TMEM132B: variants seen among roughly 807,000 people sequenced by gnomAD.
TMEM132B encodes transmembrane protein 132B.
A neutral mutation model predicts 90.8 loss-of-function variants in TMEM132B; 18 were observed. That is an observed-to-expected ratio of 0.20 (90% confidence interval 0.14 to 0.29). TMEM132B has a LOEUF of 0.29. Among genes scored for constraint, TMEM132B ranks in the 10% least tolerant of loss-of-function variants. The probability of loss-of-function intolerance (pLI) is 1.00; values close to 1 mark genes in which losing one functional copy is unlikely to be tolerated. For synonymous variants in TMEM132B, 504 were observed against 523.3 expected (o/e 0.96, Z 0.50); for missense variants, 1,096 against 1,326.8 (o/e 0.83, Z 2.70).
intron 1 of TMEM132B, among the ~76,000 whole-genome samples, chr12:125,311,460 G>A (rs575603387): frequency 3.9e-5 from 6 of 152,266 alleles, no homozygotes; most frequent in East Asian, 1.9e-4. Context: ...CGTCATCCCA[G>A]CTTCTCTCTT....
chr12:125,207,573 C>G (rs536888924), intron 1 of TMEM132B, among the ~76,000 whole-genome samples: 2 of 152,206 alleles, frequency 1.3e-5, no homozygotes, highest in Admixed American at 1.3e-4. Flanking sequence ...TTTTTAATTG[C>G]ATTAAACATA....
chr12:125,516,138 C>A (rs969585835), intron 3 of TMEM132B, among the ~76,000 whole-genome samples: 1 of 151,806 alleles, frequency 6.6e-6, no homozygotes, highest in African/African-American at 2.4e-5. Context: ...ATCTCACACA[C>A]ACACTCACAC....
At chr12:125,350,417 G>C in intron 2 of TMEM132B, 74 bp downstream of exon 2, 1 of 1,484,234 alleles carries the variant, frequency 6.7e-7, no homozygotes, top group Non-Finnish European at 9.0e-7. Flanking sequence ...TGAATAAAAT[G>C]GGTGTTGATC....
chr12:125,649,349 A>T (rs923767041), intron 6 of TMEM132B, among the ~76,000 whole-genome samples: 1 of 152,236 alleles, frequency 6.6e-6, no homozygotes, highest in Non-Finnish European at 1.5e-5. Context: ...AACATGTTTC[A>T]TAGCTGTTGT....
intron 5 of TMEM132B, among the ~76,000 whole-genome samples, chr12:125,597,530 C>T (rs2136910427): frequency 6.6e-6 from 1 of 152,352 alleles, no homozygotes; most frequent in East Asian, 1.9e-4. Flanking sequence ...CATGAGCAAG[C>T]AGGCACTGTA....
At chr12:125,207,417 C>T (rs1873207773) in intron 1 of TMEM132B, among the ~76,000 whole-genome samples, 1 of 152,196 alleles carries the variant, frequency 6.6e-6, no homozygotes, top group African/African-American at 2.4e-5. Context: ...TTTCTGTTGC[C>T]TGTTGGAAGC....
chr12:125,456,720 G>A (rs532763325), intron 3 of TMEM132B, among the ~76,000 whole-genome samples: 2 of 152,274 alleles, frequency 1.3e-5, no homozygotes, highest in African/African-American at 4.8e-5. Flanking sequence ...CAGTCTCTCT[G>A]TGCTCCCTGG....
At chr12:125,478,003 A>G (rs867406520) in intron 3 of TMEM132B, among the ~76,000 whole-genome samples, 23 of 152,336 alleles carry the variant, frequency 1.5e-4, no homozygotes, top group African/African-American at 5.1e-4. Context: ...GCAAACTCCA[A>G]CAGACCTGCA....
chr12:125,600,815 T>A (rs1204991298), intron 5 of TMEM132B, among the ~76,000 whole-genome samples: 3 of 152,036 alleles, frequency 2.0e-5, no homozygotes, highest in Non-Finnish European at 4.4e-5. Flanking sequence ...GGGGTTGCAA[T>A]CCTAGTCTCT....
At chr12:125,397,516 T>C (rs1202494684) in intron 2 of TMEM132B, among the ~76,000 whole-genome samples, 2 of 152,210 alleles carry the variant, frequency 1.3e-5, no homozygotes, top group East Asian at 3.8e-4. Context: ...ACCCTACTAA[T>C]TGAATCATGA....
Position 125,523,164 on chromosome 12 carries a change from C to T in TMEM132B, c.1293+3539C>T, listed in dbSNP as rs11610546. ...ATATTATTAATTTTCCTGTGCTGCG[C>T]TAACAAATTACCATAAACTCAATGA... On this transcript the variant is annotated intron_variant, in intron 4 of 8. Coordinates refer to ENST00000682704, the MANE Select transcript of TMEM132B (RefSeq NM_001366854.1). Among the ~76,000 whole-genome samples, 739 of 152,282 alleles carry T rather than the reference C, an allele frequency of 4.9e-3. 1 individual carries two copies. The highest frequency in any genetic ancestry group is 7.4e-3 in the Non-Finnish European group (504 of 68,020).
At chr12:125,527,672 CCATT>C (rs1333121395) in intron 4 of TMEM132B, among the ~76,000 whole-genome samples, 3 of 150,034 alleles carry the variant, frequency 2.0e-5, no homozygotes, top group Admixed American at 6.6e-5. Context: ...TTCCATTTAC[CCATT>C]CACCCTTCCA....
intron 1 of TMEM132B, among the ~76,000 whole-genome samples, chr12:125,216,859 G>C (rs1038138974): frequency 9.9e-5 from 15 of 152,194 alleles, no homozygotes; most frequent in Non-Finnish European, 1.6e-4. Context: ...CAAGCTGGCC[G>C]GAGGCATCGA....
chr12:125,194,176 A>T (rs183462572), intron 1 of TMEM132B, among the ~76,000 whole-genome samples: 38 of 152,290 alleles, frequency 2.5e-4, no homozygotes, highest in Middle Eastern at 3.4e-3. Context: ...AGTTACATAA[A>T]AAATCAATAC....
At chr12:125,643,055 T>G (rs1886670077) in intron 5 of TMEM132B, among the ~76,000 whole-genome samples, 1 of 152,162 alleles carries the variant, frequency 6.6e-6, no homozygotes. Flanking sequence ...CACTTGACCA[T>G]GTCAAATAGG....
intron 2 of TMEM132B, among the ~76,000 whole-genome samples, chr12:125,383,546 G>T (rs932419745): frequency 6.6e-6 from 1 of 152,138 alleles, no homozygotes; most frequent in African/African-American, 2.4e-5. Flanking sequence ...TGGGAAGTTG[G>T]CATTGTCTCT....
chr12:125,259,223 C>T (rs1274981814), intron 1 of TMEM132B, among the ~76,000 whole-genome samples: 2 of 152,146 alleles, frequency 1.3e-5, no homozygotes, highest in African/African-American at 2.4e-5. Context: ...TTTGTCTCCC[C>T]CACTAGATTA....
At chr12:125,525,235 G>A (rs767663586) in intron 4 of TMEM132B, among the ~76,000 whole-genome samples, 1 of 152,214 alleles carries the variant, frequency 6.6e-6, no homozygotes, top group Non-Finnish European at 1.5e-5. Flanking sequence ...GGATCACAAA[G>A]AATGTATGAA....
intron 4 of TMEM132B, among the ~76,000 whole-genome samples, chr12:125,545,639 C>T (rs1368790978): frequency 6.6e-6 from 1 of 152,222 alleles, no homozygotes; most frequent in Non-Finnish European, 1.5e-5. Context: ...TAAGACGGTT[C>T]AACGATAATC....
Sources: gnomAD v4.1 joint callset for allele counts (sites outside exome capture counted in the v4.1 genomes callset) on GRCh38, gnomAD v4.1.1 for gene constraint, MANE v1.5 for transcripts, NCBI Gene and HGNC (gene_info 2026-07-23, HGNC 2026-07-21) for gene names.